The following CMTM8 variants were observed in gnomAD, a reference collection of about 807,000 sequenced individuals.
The protein encoded by CMTM8 is CKLF like MARVEL transmembrane domain containing 8.
A neutral mutation model predicts 18.6 loss-of-function variants in CMTM8; 12 were observed. The ratio of observed to expected loss-of-function variants is 0.65; its 90% CI spans 0.41 to 1.05. The LOEUF (loss-of-function observed/expected upper bound fraction) is 1.05, where lower values mean the gene tolerates loss of function less well. Ranked by LOEUF, CMTM8 falls within the 50% of genes least tolerant of loss-of-function variation. The probability of loss-of-function intolerance (pLI) is 0.00; values close to 1 mark genes in which losing one functional copy is unlikely to be tolerated. For synonymous variants in CMTM8, 87 were observed against 90.6 expected, an observed-to-expected ratio of 0.96 and a Z score of 0.23; for missense variants, 217 against 227.2, an observed-to-expected ratio of 0.95 and a Z score of 0.29.
rs568691581 is a variant in CMTM8, at chr3:32,245,778, A to G, written c.147+6659A>G. On this transcript the variant is annotated intron_variant, in intron 1 of 3. Coordinates refer to ENST00000307526, the MANE Select transcript of CMTM8 (RefSeq NM_178868.5). ...CCATTTCATAAAAGCAATACCCGAC[A>G]TTTGTAGAAAAAACTTTTATTTATT... is the stretch of plus-strand genomic sequence containing the variant. 1.8e-4 allele frequency among the ~76,000 whole-genome samples: 27 copies of G among 152,262 alleles called. No homozygotes were observed. The East Asian group carries it at 5.2e-3, about 29-fold the overall frequency.
chr3:32,247,328 C>T (rs1702030246), intron 1 of CMTM8, among the ~76,000 whole-genome samples: 1 of 151,668 alleles, frequency 6.6e-6, no homozygotes, highest in Admixed American at 6.6e-5. Flanking sequence ...TTTTTTTTCC[C>T]CTGAGATGGA....
intron 1 of CMTM8, among the ~76,000 whole-genome samples, chr3:32,297,597 C>T (rs1295134230): frequency 2.6e-5 from 4 of 151,994 alleles, no homozygotes; most frequent in Admixed American, 2.6e-4. Flanking sequence ...AGCAGCAGCC[C>T]CGTCTGGGGT....
chr3:32,328,974 T>C (rs999605471), intron 1 of CMTM8, among the ~76,000 whole-genome samples: 3 of 152,354 alleles, frequency 2.0e-5, no homozygotes, highest in Middle Eastern at 3.4e-3. Context: ...TTCAAACTTA[T>C]TCTACAAGGC....
chr3:32,352,875 GTTTT>G (rs5847757), intron 1 of CMTM8, among the ~76,000 whole-genome samples: 6 of 149,292 alleles, frequency 4.0e-5, no homozygotes, highest in Non-Finnish European at 7.4e-5. Context: ...CATAGGTTCT[GTTTT>G]TTTTTTTTTT....
chr3:32,263,265 A>G (rs941061924), intron 1 of CMTM8, among the ~76,000 whole-genome samples: 2 of 152,214 alleles, frequency 1.3e-5, no homozygotes, highest in African/African-American at 2.4e-5. Context: ...TTCAAGAGGA[A>G]CAATCAGGCA....
At position 32,358,487 on chromosome 3, in the gene CMTM8, A is replaced by G. The variant is rs1696860825; in HGVS notation, c.321+941A>G. Among the ~76,000 whole-genome samples, 1 of 152,244 alleles carries G rather than the reference A, an allele frequency of 6.6e-6. No individual in the cohort carries two copies. The highest frequency in any genetic ancestry group is 2.4e-5 in the African/African-American group (1 of 41,458). ...GTTTTCAACCAATATGTGAGAAAAA[A>G]TATTTAGTTCCAAATAACTGACTTA... is the stretch of plus-strand genomic sequence containing the variant. On this transcript the variant is annotated intron_variant, in intron 2 of 3. Coordinates refer to ENST00000307526, the MANE Select transcript of CMTM8 (RefSeq NM_178868.5). The surrounding 1 kb of genome is among the most constrained non-coding windows in gnomAD (Gnocchi z 4.1).
rs192416071 is a variant in CMTM8 at position 32,322,415 on chromosome 3, A to G, written c.148-34958A>G. On this transcript the variant is annotated intron_variant, in intron 1 of 3. Transcript: ENST00000307526. ...TGAGACTAATTTACATTTTGCTTCT[A>G]AAGGATGAAGTTGTATGACACCAAG... is the stretch of plus-strand genomic sequence containing the variant. Among the ~76,000 whole-genome samples the G allele has an allele frequency of 3.2e-4, 49 of 152,336 alleles. 1 individual carries two copies. Among genetic ancestry groups the G allele is most frequent in the African/African-American group, 1.1e-3 (44 of 41,570 alleles).
At position 32,369,969 on chromosome 3, in the gene CMTM8, T is replaced by A. The variant is rs1228056325; in HGVS notation, c.*2T>A. 1.3e-6 allele frequency: 2 copies of A among 1,547,646 alleles called. No individual in the cohort carries two copies. The highest frequency in any genetic ancestry group is 1.8e-6 in the Non-Finnish European group (2 of 1,131,502). ...TGGAGATCCAGGACCATACAGTGAT[T>A]TACCATTTTGATAATTAAAAGGAAA... On this transcript the variant is annotated 3_prime_UTR_variant, in exon 4 of 4. Coordinates refer to ENST00000307526, the MANE Select transcript of CMTM8 (RefSeq NM_178868.5).
chr3:32,310,295 A>C (rs771024681), intron 1 of CMTM8, among the ~76,000 whole-genome samples: 2 of 152,184 alleles, frequency 1.3e-5, no homozygotes, highest in Admixed American at 1.3e-4. Context: ...ATTCTAGAGC[A>C]AAGGGATTTT....
intron 1 of CMTM8, among the ~76,000 whole-genome samples, chr3:32,283,724 A>G (rs1330261740): frequency 6.6e-6 from 1 of 152,076 alleles, no homozygotes; most frequent in Non-Finnish European, 1.5e-5. Flanking sequence ...CCCACCCTCC[A>G]CACTTGGAGA....
intron 1 of CMTM8, among the ~76,000 whole-genome samples, chr3:32,270,119 A>G (rs991868116): frequency 6.6e-6 from 1 of 150,910 alleles, no homozygotes; most frequent in Non-Finnish European, 1.5e-5. Flanking sequence ...ATAGGGTCTC[A>G]CTGTGTTGCC....
chr3:32,262,139 C>A (rs139743913), intron 1 of CMTM8, among the ~76,000 whole-genome samples: 8 of 152,066 alleles, frequency 5.3e-5, no homozygotes, highest in Non-Finnish European at 8.8e-5. Context: ...GTCCCCATTG[C>A]GAGTCATGAT....
intron 1 of CMTM8, among the ~76,000 whole-genome samples, chr3:32,312,625 T>C (rs1695841720): frequency 6.6e-6 from 1 of 152,082 alleles, no homozygotes; most frequent in Non-Finnish European, 1.5e-5. Flanking sequence ...TTTGAGGTTC[T>C]TATGGAGGCT....
intron 2 of CMTM8, among the ~76,000 whole-genome samples, chr3:32,359,938 T>C (rs73069474): frequency 6.6e-6 from 1 of 152,310 alleles, no homozygotes; most frequent in Non-Finnish European, 1.5e-5. Flanking sequence ...TCGAATTCCA[T>C]CAGCATTTGT....
intron 1 of CMTM8, among the ~76,000 whole-genome samples, chr3:32,287,890 T>C (rs2125554217): frequency 1.3e-5 from 2 of 152,274 alleles, no homozygotes; most frequent in East Asian, 3.9e-4. Flanking sequence ...TCTGGAAATA[T>C]GTTCATATGC....
intron 1 of CMTM8, among the ~76,000 whole-genome samples, chr3:32,244,959 A>T (rs890207090): frequency 3.0e-4 from 45 of 152,248 alleles, no homozygotes; most frequent in Admixed American, 1.4e-3. Context: ...AAAATACTTT[A>T]AAAAAATTCC....
intron 1 of CMTM8, among the ~76,000 whole-genome samples, chr3:32,317,896 A>G (rs1340892471): frequency 6.6e-6 from 1 of 152,032 alleles, no homozygotes; most frequent in Admixed American, 6.6e-5. Context: ...TCTATTAAAA[A>G]TATAAAAAAT....
chr3:32,282,200 G>A (rs550778817), intron 1 of CMTM8, among the ~76,000 whole-genome samples: 54 of 152,220 alleles, frequency 3.5e-4, no homozygotes, highest in Non-Finnish European at 6.9e-4. Flanking sequence ...GAACCCATGA[G>A]GACACAGTCA....
rs999457999 is a variant in CMTM8, at chr3:32,368,539, C to A, written c.438+551C>A. On this transcript the variant is annotated intron_variant, in intron 3 of 3. Coordinates refer to ENST00000307526, the MANE Select transcript of CMTM8 (RefSeq NM_178868.5). ...GCAGTGGCATAATTATAGCTCACTG[C>A]AACCTGGAACTCCTCAGCTTGAGCC... 2.7e-5 allele frequency among the ~76,000 whole-genome samples: 4 copies of A among 150,060 alleles called. No individual in the cohort carries two copies. The Admixed American group carries it at 2.7e-4, about 10-fold the overall frequency.
Sources: gnomAD v4.1 joint callset for allele counts (sites outside exome capture counted in the v4.1 genomes callset) on GRCh38, gnomAD v4.1.1 for gene constraint, Gnocchi (gnomAD v3.1) non-coding constraint, MANE v1.5 for transcripts, NCBI Gene and HGNC (gene_info 2026-07-23, HGNC 2026-07-21) for gene names.